The following SLC17A8 variants were observed in gnomAD, a reference collection of about 807,000 sequenced individuals.
SLC17A8 encodes the protein solute carrier family 17 member 8.
SLC17A8 carries 31 observed loss-of-function variants against 58.0 expected under a neutral mutation model. The observed-to-expected ratio is 0.53, with a 90% CI of 0.40 to 0.72. SLC17A8 has a LOEUF of 0.72. SLC17A8 is among the 30% of genes least tolerant of loss of function. The pLI, the probability that SLC17A8 is intolerant of heterozygous loss-of-function variation, is 0.00. For synonymous variants in SLC17A8, 228 were observed against 249.0 expected (o/e 0.92, Z 0.79); for missense variants, 655 against 727.8 (o/e 0.90, Z 1.15).
At chr12:100,398,122 G>T (rs1952765839) in intron 5 of SLC17A8, among the ~76,000 whole-genome samples, 1 of 152,096 alleles carries the variant, frequency 6.6e-6, no homozygotes, top group Admixed American at 6.5e-5. Flanking sequence ...TCCTCTTCCT[G>T]CTGGCCTTTT....
At chr12:100,373,925 G>C (rs1352715984) in intron 1 of SLC17A8, among the ~76,000 whole-genome samples, 1 of 152,112 alleles carries the variant, frequency 6.6e-6, no homozygotes, top group Non-Finnish European at 1.5e-5. Context: ...CTATGCTGCT[G>C]AATGAAAATG....
intron 1 of SLC17A8, among the ~76,000 whole-genome samples, chr12:100,360,848 G>A (rs911554163): frequency 1.3e-5 from 2 of 152,212 alleles, no homozygotes; most frequent in Non-Finnish European, 2.9e-5. Flanking sequence ...TTCTGGATCT[G>A]CTGTCAAGTG....
chr12:100,360,928 G>A (rs1003747206), intron 1 of SLC17A8, among the ~76,000 whole-genome samples: 1 of 152,130 alleles, frequency 6.6e-6, no homozygotes, highest in African/African-American at 2.4e-5. Context: ...GGGGAGTCTG[G>A]TCTCCTTACA....
intron 10 of SLC17A8, among the ~76,000 whole-genome samples, chr12:100,414,055 T>A (rs938320387): frequency 6.6e-6 from 1 of 152,220 alleles, no homozygotes; most frequent in Non-Finnish European, 1.5e-5. Context: ...ATATATATCA[T>A]AACATTGTGA....
intron 2 of SLC17A8, among the ~76,000 whole-genome samples, 163 bp from the exon 3 acceptor site, chr12:100,390,838 C>T (rs546514011): frequency 1.3e-5 from 2 of 152,180 alleles, no homozygotes; most frequent in Admixed American, 6.5e-5. Context: ...AGGACTTTTG[C>T]TTGCTGCTAT....
In SLC17A8 at chr12:100,393,498, C is replaced by T. The variant is rs1952731507; in HGVS notation, c.588+15C>T. On this transcript the variant is annotated intron_variant, in intron 4 of 11. Transcript: ENST00000323346. ...GTTTAGTGGAGGTAGGAGATACTTT[C>T]CTTACAGTTTTTGATATTGCTAGAG... 1 of 1,584,700 alleles carries T rather than the reference C, an allele frequency of 6.3e-7. No homozygotes were observed. Among genetic ancestry groups the T allele is most frequent in the Non-Finnish European group, 8.7e-7 (1 of 1,153,822 alleles).
intron 1 of SLC17A8, among the ~76,000 whole-genome samples, chr12:100,362,136 A>AGAT (rs1952489120): frequency 6.6e-6 from 1 of 152,070 alleles, no homozygotes; most frequent in Admixed American, 6.5e-5. Context: ...GTCAGTCATC[A>AGAT]GCTCTGGGCT....
chr12:100,406,323 G>A (rs1952825539), intron 9 of SLC17A8, among the ~76,000 whole-genome samples: 1 of 152,154 alleles, frequency 6.6e-6, no homozygotes, highest in Non-Finnish European at 1.5e-5. Flanking sequence ...TAGGCAGAGG[G>A]AATAGTATGT....
chr12:100,421,900 C>T lies in SLC17A8; in HGVS notation c.*1741C>T, dbSNP rs1952953068. The stretch of plus-strand genomic sequence containing the variant: ...CAGTTCCTAGCATGCAGAAAATGCC[C>T]ACGTAAATAGCTGTCATCATCATTA... On this transcript the variant is annotated 3_prime_UTR_variant, in exon 12 of 12. Transcript: ENST00000323346. 6.6e-6 allele frequency: 1 copy of T among 151,912 alleles called. No individual in the cohort carries two copies. Among genetic ancestry groups the T allele is most frequent in the Admixed American group, 6.6e-5 (1 of 15,244 alleles). The allele number at this position is 151,912 out of a possible 1,614,324, so 9.4% of individuals were successfully genotyped here.
chr12:100,408,681 A>G (rs1206398535), intron 9 of SLC17A8, among the ~76,000 whole-genome samples: 2 of 152,060 alleles, frequency 1.3e-5, no homozygotes, highest in African/African-American at 4.8e-5. Context: ...CTGATGTATC[A>G]TTTGTAAGTT....
At chr12:100,417,560 C>A (rs1952915429) in intron 10 of SLC17A8, among the ~76,000 whole-genome samples, 1 of 152,200 alleles carries the variant, frequency 6.6e-6, no homozygotes, top group African/African-American at 2.4e-5. Flanking sequence ...GCACCCTTTT[C>A]ATTGTGTGAA....
intron 2 of SLC17A8, among the ~76,000 whole-genome samples, chr12:100,389,426 C>A (rs1365485405): frequency 6.6e-6 from 1 of 152,108 alleles, no homozygotes; most frequent in African/African-American, 2.4e-5. Flanking sequence ...CTCTAATTCT[C>A]TTTGTGCTAT....
intron 1 of SLC17A8, among the ~76,000 whole-genome samples, chr12:100,363,311 T>A (rs1190558190): frequency 6.6e-6 from 1 of 152,174 alleles, no homozygotes; most frequent in East Asian, 1.9e-4. Context: ...CATGCCTTGT[T>A]TCTTTGACCT....
intron 1 of SLC17A8, among the ~76,000 whole-genome samples, chr12:100,375,859 T>C (rs1341636474): frequency 1.3e-5 from 2 of 152,194 alleles, no homozygotes; most frequent in African/African-American, 2.4e-5. Flanking sequence ...AGTTTAGAGA[T>C]AGGGATTCTT....
At position 100,357,378 on chromosome 12, in the gene SLC17A8, G is replaced by A. The variant is rs753475605; in HGVS notation, c.-14G>A. On this transcript the variant is annotated 5_prime_UTR_variant, in exon 1 of 12. Coordinates refer to ENST00000323346, the MANE Select transcript of SLC17A8 (RefSeq NM_139319.3). ...GACTGACTGTTAACGGCTCAGAGGT[G>A]CCCCTCATTCAAAATGCCTTTTAAA... 1.2e-5 allele frequency: 17 copies of A among 1,413,098 alleles called. No individual in the cohort carries two copies. In the East Asian group the frequency reaches 3.6e-4, roughly 30 times the overall value. 87.5% of individuals were successfully genotyped at this position (1,413,098 alleles called of 1,614,324 possible).
chr12:100,385,499 A>AAGTGCTGG (rs1952668222), intron 2 of SLC17A8, among the ~76,000 whole-genome samples: 3 of 152,012 alleles, frequency 2.0e-5, no homozygotes, highest in Admixed American at 2.0e-4. Flanking sequence ...CGGCCTCCCA[A>AAGTGCTGG]AGTGCTGGGA....
intron 1 of SLC17A8, among the ~76,000 whole-genome samples, chr12:100,375,022 G>A (rs1279887724): frequency 6.6e-6 from 1 of 151,558 alleles, no homozygotes; most frequent in Non-Finnish European, 1.5e-5. Flanking sequence ...CTCCCATACT[G>A]TATGTCTTCC....
chr12:100,380,020 G>A (rs1192278545), intron 1 of SLC17A8, among the ~76,000 whole-genome samples: 1 of 152,008 alleles, frequency 6.6e-6, no homozygotes, highest in African/African-American at 2.4e-5. Flanking sequence ...CCAACATGGA[G>A]AAACCCCGTC....
At chr12:100,359,487 G>C (rs2135965474) in intron 1 of SLC17A8, among the ~76,000 whole-genome samples, 1 of 152,228 alleles carries the variant, frequency 6.6e-6, no homozygotes, top group African/African-American at 2.4e-5. Context: ...AGTTTCCTCA[G>C]AACAATAGAA....
Sources: gnomAD v4.1 joint callset for allele counts (sites outside exome capture counted in the v4.1 genomes callset) on GRCh38, gnomAD v4.1.1 for gene constraint, MANE v1.5 for transcripts, NCBI Gene and HGNC (gene_info 2026-07-23, HGNC 2026-07-21) for gene names.